Variants in AGBL3 observed in about 807,000 individuals in gnomAD.
AGBL3 encodes cytosolic carboxypeptidase 3.
Under a neutral mutation model 94.5 loss-of-function variants are expected in AGBL3, and 68 were observed. The observed-to-expected ratio is 0.72, with a 90% CI of 0.59 to 0.88. The LOEUF is 0.88. AGBL3 is among the 40% of genes least tolerant of loss of function. The probability of loss-of-function intolerance (pLI) is 0.00; values close to 1 mark genes in which losing one functional copy is unlikely to be tolerated. For synonymous variants in AGBL3, 354 were observed against 370.7 expected (o/e 0.95, Z 0.52); for missense variants, 934 against 1,103.8 (o/e 0.85, Z 2.18).
chr7:135,020,870 G>A (rs1239605842), intron 5 of AGBL3, among the ~76,000 whole-genome samples: 1 of 148,794 alleles, frequency 6.7e-6, no homozygotes, highest in Non-Finnish European at 1.5e-5. Flanking sequence ...GAGAACACTT[G>A]GACACAGGAA....
intron 4 of AGBL3, among the ~76,000 whole-genome samples, chr7:135,001,541 G>A (rs896310055): frequency 5.3e-5 from 8 of 152,112 alleles, no homozygotes; most frequent in Non-Finnish European, 7.4e-5. Context: ...CTTCAAAGTC[G>A]GGGTATGCCA....
chr7:135,037,596 G>A lies in AGBL3; in HGVS notation c.1500+16G>A, dbSNP rs1045517044. On this transcript the variant is annotated intron_variant, in intron 8 of 16. Coordinates refer to ENST00000436302, the MANE Select transcript of AGBL3 (RefSeq NM_178563.4). ...TCCAGATAAAGTAAGCACCTTTTAA[G>A]GTATTAACTTTTCCTTTATCAAATG... 6 of 1,514,896 alleles carry A rather than the reference G, an allele frequency of 4.0e-6. No individual in the cohort carries two copies. The highest frequency in any genetic ancestry group is 2.6e-5 in the South Asian group (2 of 78,350). The allele number at this position is 1,514,896 out of a possible 1,614,324, so 93.8% of individuals were successfully genotyped here.
At chr7:135,109,363 A>G (rs1346190453) in intron 15 of AGBL3, among the ~76,000 whole-genome samples, 1 of 152,240 alleles carries the variant, frequency 6.6e-6, no homozygotes, top group Non-Finnish European at 1.5e-5. Flanking sequence ...GCTCTGTCCC[A>G]GGCAGTTGTA....
intron 4 of AGBL3, among the ~76,000 whole-genome samples, chr7:135,005,905 G>T (rs1018301040): frequency 6.6e-6 from 1 of 151,604 alleles, no homozygotes; most frequent in Admixed American, 6.6e-5. Context: ...AAAGAGACAA[G>T]GGAAAACTTC....
rs1047522322 is a variant in AGBL3 at position 135,077,007 on chromosome 7, C to A, written c.1980+539C>A. ...TAAAATTCATTAAAAACTGTGAGAGCCTGTGGTATTTCAATCAAGACTGCC... is the reference window on the plus strand; with the variant it reads ...TAAAATTCATTAAAAACTGTGAGAGACTGTGGTATTTCAATCAAGACTGCC... On this transcript the variant is annotated intron_variant, in intron 13 of 16. Transcript: ENST00000436302. Among the ~76,000 whole-genome samples, 6 of 152,148 alleles carry A rather than the reference C, an allele frequency of 3.9e-5. No individual in the cohort carries two copies. The East Asian group carries it at 9.6e-4, about 24-fold the overall frequency.
chr7:135,058,921 T>C (rs1244516766), intron 11 of AGBL3, among the ~76,000 whole-genome samples: 1 of 152,148 alleles, frequency 6.6e-6, no homozygotes, highest in Admixed American at 6.5e-5. Context: ...CATGCCCAGC[T>C]AATTTTTGCA....
intron 4 of AGBL3, among the ~76,000 whole-genome samples, chr7:134,998,410 A>C (rs1811273854): frequency 6.6e-6 from 1 of 152,218 alleles, no homozygotes; most frequent in Non-Finnish European, 1.5e-5. Flanking sequence ...ACACCAGTGT[A>C]ATACTAGATT....
chr7:135,110,833 C>T (rs1223351620), intron 15 of AGBL3, among the ~76,000 whole-genome samples: 2 of 152,192 alleles, frequency 1.3e-5, no homozygotes, highest in Non-Finnish European at 2.9e-5. Flanking sequence ...GCCTCCTTAT[C>T]CTTTGACTAA....
intron 4 of AGBL3, chr7:135,012,139 A>T (rs1813234734): frequency 6.6e-6 from 1 of 152,226 alleles, no homozygotes; most frequent in South Asian, 2.1e-4. Flanking sequence ...CGTGAAAAAC[A>T]GCACAGAAGA....
intron 15 of AGBL3, among the ~76,000 whole-genome samples, chr7:135,100,253 A>T (rs923195064): frequency 2.6e-5 from 4 of 152,014 alleles, no homozygotes; most frequent in Non-Finnish European, 4.4e-5. Context: ...AATGAATGAC[A>T]ATCAAATGCT....
chr7:135,003,140 A>C (rs530995569), intron 4 of AGBL3, among the ~76,000 whole-genome samples: 1 of 152,226 alleles, frequency 6.6e-6, no homozygotes, highest in East Asian at 1.9e-4. Context: ...TTTTGTGATT[A>C]AATTTTTGAT....
chr7:135,052,274 T>TA (rs1178905283), intron 11 of AGBL3, among the ~76,000 whole-genome samples: 1 of 152,202 alleles, frequency 6.6e-6, no homozygotes, highest in Non-Finnish European at 1.5e-5. Context: ...TATTTTCACT[T>TA]ACAATACTCT....
chr7:135,017,167 C>A lies in AGBL3; in HGVS notation c.418+8C>A. 1 of 1,467,728 alleles carries A rather than the reference C, an allele frequency of 6.8e-7. No homozygotes were observed. The highest frequency in any genetic ancestry group is 9.3e-7 in the Non-Finnish European group (1 of 1,069,998). The allele number at this position is 1,467,728 out of a possible 1,614,324, so 90.9% of individuals were successfully genotyped here. ...TTTATCTAGCTGAAGATGGTGAGCACATAATGACACATGTTGCTGTAAAAT... is the reference window on the plus strand; with the variant it reads ...TTTATCTAGCTGAAGATGGTGAGCAAATAATGACACATGTTGCTGTAAAAT... On this transcript the variant is annotated splice_region_variant and intron_variant, in intron 5 of 16. Coordinates refer to ENST00000436302, the MANE Select transcript of AGBL3 (RefSeq NM_178563.4).
chr7:135,030,972 TGTA>T (rs992282415), intron 5 of AGBL3, among the ~76,000 whole-genome samples: 6 of 152,160 alleles, frequency 3.9e-5, no homozygotes, highest in African/African-American at 1.4e-4. Context: ...TTTCAGTTAT[TGTA>T]GTTTTATTTC....
At chr7:135,009,247 G>A (rs558612859) in intron 4 of AGBL3, among the ~76,000 whole-genome samples, 2 of 152,182 alleles carry the variant, frequency 1.3e-5, no homozygotes, top group African/African-American at 4.8e-5. Flanking sequence ...ATGGATGAAT[G>A]GAAAAACAAA....
intron 15 of AGBL3, among the ~76,000 whole-genome samples, chr7:135,089,900 C>G (rs2116900321): frequency 6.6e-6 from 1 of 152,252 alleles, no homozygotes; most frequent in East Asian, 1.9e-4. Flanking sequence ...ATTGTGGTAC[C>G]TGGGTCTTCC....
chr7:135,019,328 GAGT>G (rs1814158568), intron 5 of AGBL3, among the ~76,000 whole-genome samples: 1 of 152,106 alleles, frequency 6.6e-6, no homozygotes, highest in Non-Finnish European at 1.5e-5. Flanking sequence ...ATCTTTTGAT[GAGT>G]AGAACTTTTA....
At chr7:135,002,450 A>T (rs1404566724) in intron 4 of AGBL3, among the ~76,000 whole-genome samples, 2 of 152,112 alleles carry the variant, frequency 1.3e-5, no homozygotes, top group Non-Finnish European at 2.9e-5. Flanking sequence ...TTATGTCTGT[A>T]TGGAATGCCC....
chr7:134,991,313 A>T (rs1040030702), intron 3 of AGBL3, among the ~76,000 whole-genome samples: 5 of 152,090 alleles, frequency 3.3e-5, no homozygotes, highest in Non-Finnish European at 7.4e-5. Flanking sequence ...ACACAGGATT[A>T]GGAGATACCT....
Sources: gnomAD v4.1 joint callset for allele counts (sites outside exome capture counted in the v4.1 genomes callset) on GRCh38, gnomAD v4.1.1 for gene constraint, MANE v1.5 for transcripts, NCBI Gene and HGNC (gene_info 2026-07-23, HGNC 2026-07-21) for gene names.